NCSTN: variants seen among roughly 807,000 people sequenced by gnomAD.
NCSTN encodes the protein nicastrin.
NCSTN carries 22 observed loss-of-function variants against 87.0 expected under a neutral mutation model. The observed-to-expected ratio is 0.25, with a 90% CI of 0.18 to 0.36. The LOEUF (loss-of-function observed/expected upper bound fraction) is 0.36, where lower values mean the gene tolerates loss of function less well. NCSTN is among the 10% of genes least tolerant of loss of function. The probability of loss-of-function intolerance (pLI) is 1.00; values close to 1 mark genes in which losing one functional copy is unlikely to be tolerated. For missense variants in NCSTN, 693 were observed against 883.3 expected (o/e 0.78, Z 2.73); for synonymous variants, 306 against 327.1 (o/e 0.94, Z 0.69).
chr1:160,352,547 G>A (rs1648912897), intron 8 of NCSTN, among the ~76,000 whole-genome samples: 1 of 152,174 alleles, frequency 6.6e-6, no homozygotes, highest in East Asian at 1.9e-4. Context: ...CTCATCACTA[G>A]GACCACAGCA....
rs41266885 is a variant in NCSTN, at chr1:160,353,004, T to C, written c.1101+13T>C. ...GGAGCTGGGACAGGTATGTGGCATG[T>C]CCCCCAGCCCCTTCCTTTTTAATTA... On this transcript the variant is annotated intron_variant, in intron 9 of 16. Transcript: ENST00000294785. The C allele has an allele frequency of 0.011, 17,219 of 1,607,836 alleles. 116 individuals carry two copies. The highest frequency in any genetic ancestry group is 0.012 in the Non-Finnish European group (14,296 of 1,174,356).
intron 8 of NCSTN, among the ~76,000 whole-genome samples, chr1:160,352,658 T>C (rs1648920622): frequency 6.6e-6 from 1 of 152,234 alleles, no homozygotes; most frequent in Non-Finnish European, 1.5e-5. Flanking sequence ...TTACTAAGGC[T>C]ACTTTCCCCA....
chr1:160,356,923 G>A, intron 15 of NCSTN, 118 bp from the exon 16 acceptor site: 1 of 1,372,148 alleles, frequency 7.3e-7, no homozygotes, highest in Non-Finnish European at 1.0e-6. Context: ...CATCTGAAGG[G>A]TAAAGGGACA....
rs1649249790 is a variant in NCSTN, at chr1:160,358,580, T to C, written c.*309T>C. 2 of 410,322 alleles carry C rather than the reference T, an allele frequency of 4.9e-6. No homozygotes were observed. Among genetic ancestry groups the C allele is most frequent in the Non-Finnish European group, 9.2e-6 (2 of 217,650 alleles). The allele number at this position is 410,322 out of a possible 1,614,324, so 25.4% of individuals were successfully genotyped here. ...CTAGTTACCCACCCTAATTTGCCCTTCAGGACCCTTCTACTTTTTCCTTCC... is the reference window on the plus strand; with the variant it reads ...CTAGTTACCCACCCTAATTTGCCCTCCAGGACCCTTCTACTTTTTCCTTCC... On this transcript the variant is annotated 3_prime_UTR_variant, in exon 17 of 17. Transcript: ENST00000294785.
At chr1:160,351,474 C>T in intron 6 of NCSTN, 102 bp downstream of exon 6, 4 of 1,432,962 alleles carry the variant, frequency 2.8e-6, no homozygotes, top group Non-Finnish European at 3.9e-6. Context: ...AAGGAGTAGA[C>T]ACCATGAAGG....
rs1306620089 is a variant in NCSTN at position 160,353,147 on chromosome 1, A to G, written c.1102-13A>G. 3 of 1,613,588 alleles carry G rather than the reference A, an allele frequency of 1.9e-6. No individual in the cohort carries two copies. The highest frequency in any genetic ancestry group is 4.5e-5 in the East Asian group (2 of 44,898). On this transcript the variant is annotated splice_polypyrimidine_tract_variant and intron_variant, in intron 9 of 16. Transcript: ENST00000294785. ...GACTGATTCTAAGTGTTGTTTCTTC[A>G]TCCTCCCCCCAGGTGGCCTTAAGAA...
In NCSTN at chr1:160,358,199, C is replaced by T. The variant is rs182566677; in HGVS notation, c.2058C>T (p.Val686=). The T allele has an allele frequency of 2.1e-5, 34 of 1,614,194 alleles. No homozygotes were observed. In the Admixed American group the frequency reaches 3.5e-4, roughly 17 times the overall value. The change falls in exon 17 of 17, where the codon GTC becomes GTT. Residue 686 remains valine (V), a synonymous_variant. Transcript: ENST00000294785. ...GFGILIFSLI[V]TYCINAKADV... ...GCATCCTCATCTTCTCCCTCATCGT[C>T]ACCTACTGCATCAATGCCAAAGCTG...
chr1:160,352,238 G>A (rs763735529), intron 8 of NCSTN, 32 bp downstream of exon 8: 1 of 1,613,460 alleles, frequency 6.2e-7, no homozygotes. Context: ...TGCAATGGCA[G>A]GGAAGAAAGA....
intron 1 of NCSTN, 181 bp downstream of exon 1, chr1:160,343,662 T>A: frequency 1.4e-6 from 1 of 733,308 alleles, no homozygotes; most frequent in Non-Finnish European, 2.5e-6. Context: ...GAAGGTCCCT[T>A]CTCCCCCGCA....
At chr1:160,345,336 G>C (rs761510952) in intron 2 of NCSTN, among the ~76,000 whole-genome samples, 1 of 151,996 alleles carries the variant, frequency 6.6e-6, no homozygotes, top group Non-Finnish European at 1.5e-5. Flanking sequence ...GGGATTACAT[G>C]CACCTGCCAC....
In NCSTN at chr1:160,355,978, C is replaced by T. The variant is rs185528827; in HGVS notation, c.1551+20C>T. 199 of 1,583,804 alleles carry T rather than the reference C, an allele frequency of 1.3e-4. No homozygotes were observed. In the African/African-American group the frequency reaches 2.3e-3, roughly 18 times the overall value. On this transcript the variant is annotated intron_variant, in intron 13 of 16. Transcript: ENST00000294785. ...CAAACGGTAAGCAGATGGGCCCTAG[C>T]TCCTTCTTTCTATTTACACAGCAAG... is the stretch of plus-strand genomic sequence containing the variant.
At chr1:160,349,193 AT>A in intron 3 of NCSTN, 71 bp downstream of exon 3, 4 of 1,600,168 alleles carry the variant, frequency 2.5e-6, no homozygotes, top group Non-Finnish European at 3.4e-6. Flanking sequence ...CCTCACACTT[AT>A]TAGTGAAAAC....
intron 2 of NCSTN, among the ~76,000 whole-genome samples, chr1:160,348,718 T>C (rs1010712254): frequency 1.7e-4 from 26 of 152,204 alleles, no homozygotes; most frequent in Non-Finnish European, 1.5e-5. Flanking sequence ...GAATCTTATG[T>C]ATATGGCTAA....
At chr1:160,355,573 C>A in intron 11 of NCSTN, 82 bp from the exon 12 acceptor site, 1 of 973,162 alleles carries the variant, frequency 1.0e-6, no homozygotes. Context: ...ATACTGAGTC[C>A]CTGCATAAGG....
intron 15 of NCSTN, 121 bp downstream of exon 15, chr1:160,356,875 C>CA (rs1649157680): frequency 1.3e-5 from 19 of 1,435,620 alleles, no homozygotes; most frequent in Non-Finnish European, 1.8e-5. Context: ...ATGCAGTCCT[C>CA]AGCAATTGGG....
intron 10 of NCSTN, 90 bp downstream of exon 10, chr1:160,353,327 T>C: frequency 1.2e-6 from 2 of 1,600,184 alleles, no homozygotes; most frequent in Non-Finnish European, 1.7e-6. Flanking sequence ...CCCCAGGGCC[T>C]GTGAGACAGG....
At chr1:160,347,260 C>T (rs534470042) in intron 2 of NCSTN, among the ~76,000 whole-genome samples, 63 of 152,172 alleles carry the variant, frequency 4.1e-4, no homozygotes, top group Non-Finnish European at 8.7e-4. Context: ...GAGCAGGCTC[C>T]GCCCTTTTTA....
In NCSTN at chr1:160,358,343, A is replaced by G. The variant is rs550613295; in HGVS notation, c.*72A>G. 2.5e-6 allele frequency: 4 copies of G among 1,602,486 alleles called. No individual in the cohort carries two copies. In the South Asian group the frequency reaches 4.4e-5, roughly 18 times the overall value. On this transcript the variant is annotated 3_prime_UTR_variant, in exon 17 of 17. Transcript: ENST00000294785. ...GCATCTGTCCCACTGGGACACAACC[A>G]CTAATTTGTCACTGGAACCTCCCTG...
chr1:160,350,014 T>C, intron 4 of NCSTN, 91 bp from the exon 5 acceptor site: 1 of 1,479,886 alleles, frequency 6.8e-7, no homozygotes, highest in South Asian at 1.1e-5. Context: ...GAACTCTTAG[T>C]CCCAACTGAA....
Sources: allele counts gnomAD v4.1 joint callset (sites outside exome capture counted in the v4.1 genomes callset), GRCh38; gene constraint gnomAD v4.1.1; transcripts MANE v1.5; gene names NCBI Gene and HGNC (gene_info 2026-07-23, HGNC 2026-07-21).